The following C3 variants were observed in gnomAD, a reference collection of about 807,000 sequenced individuals.
The protein encoded by C3 is complement C3, also known as C3 and PZP-like alpha-2-macroglobulin domain-containing protein 1.
C3 carries 97 observed loss-of-function variants against 207.9 expected under a neutral mutation model. The observed-to-expected ratio is 0.47, with a 90% CI of 0.40 to 0.55. The LOEUF is 0.55. Among genes scored for constraint, C3 ranks in the 20% least tolerant of loss-of-function variants. The pLI is 0.00. For missense variants in C3, 1,684 were observed against 2,171.7 expected (o/e 0.78, Z 4.46); for synonymous variants, 848 against 857.6 (o/e 0.99, Z 0.20).
chr19:6,712,502 T>G lies in C3; in HGVS notation c.1119+6A>C. 1.2e-6 allele frequency: 2 copies of G among 1,613,902 alleles called. No homozygotes were observed. The highest frequency in any genetic ancestry group is 1.7e-6 in the Non-Finnish European group (2 of 1,179,858). ...GAGTGGGACCCCTTCCCGCCCCGGG[T>G]CTCACCATGAGGTCAAAGGGCATTC... On this transcript the variant is annotated splice_donor_region_variant and intron_variant, in intron 10 of 40. Transcript: ENST00000245907.
chr19:6,687,901 C>G (rs344539), intron 27 of C3, among the ~76,000 whole-genome samples: 67,360 of 148,958 alleles, frequency 0.45, 16,449 homozygotes, highest in East Asian at 0.91. Context: ...CTGTCGCCCA[C>G]GCTGGAGTGC....
chr19:6,707,727 A>C, intron 15 of C3, 73 bp downstream of exon 15: 1 of 1,603,330 alleles, frequency 6.2e-7, no homozygotes, highest in Non-Finnish European at 8.5e-7. Context: ...CCCGGTTTCC[A>C]GAGCTCTGCT....
chr19:6,695,605 G>A (rs1306987258), intron 23 of C3, among the ~76,000 whole-genome samples: 1 of 151,900 alleles, frequency 6.6e-6, no homozygotes, highest in African/African-American at 2.4e-5. Context: ...TCAGCCTCCC[G>A]AGTGGCTGGG....
At chr19:6,692,664 C>A (rs1918196332) in intron 26 of C3, among the ~76,000 whole-genome samples, 1 of 152,180 alleles carries the variant, frequency 6.6e-6, no homozygotes, top group Admixed American at 6.5e-5. Flanking sequence ...GACCCCTGCA[C>A]TTGGTTTAAT....
At position 6,678,558 on chromosome 19, in the gene C3, G is replaced by T. The variant is rs1917781216; in HGVS notation, c.4631-103C>A. ...GGCATGTGGCTCTCTCTCCCAAGCAGAAAGTTGCAGAATCACAGCCAGTCA... is the reference window on the plus strand; with the variant it reads ...GGCATGTGGCTCTCTCTCCCAAGCATAAAGTTGCAGAATCACAGCCAGTCA... On this transcript the variant is annotated intron_variant, in intron 38 of 40. Transcript: ENST00000245907. The T allele has an allele frequency of 6.9e-6, 6 of 872,520 alleles. No homozygotes were observed. The East Asian group carries it at 1.5e-4, about 22-fold the overall frequency. 54.0% of individuals were successfully genotyped at this position (872,520 alleles called of 1,614,324 possible).
intron 16 of C3, 37 bp downstream of exon 16, chr19:6,707,429 G>C: frequency 6.2e-7 from 1 of 1,611,398 alleles, no homozygotes; most frequent in Non-Finnish European, 8.5e-7. Flanking sequence ...TCCTGGGGTG[G>C]GGCTCGGGGG....
intron 28 of C3, 95 bp downstream of exon 28, chr19:6,686,651 C>T: frequency 7.4e-7 from 1 of 1,342,540 alleles, no homozygotes; most frequent in Admixed American, 1.7e-5. Flanking sequence ...GGTCATCTGT[C>T]CCAGCTCAGC....
intron 18 of C3, 107 bp downstream of exon 18, chr19:6,702,364 G>A (rs1041776446): frequency 2.0e-4 from 198 of 986,720 alleles, no homozygotes; most frequent in Non-Finnish European, 2.6e-4. Flanking sequence ...TCTAGGTTGG[G>A]CTGTGGGGTT....
At chr19:6,680,078 A>G (rs1599497002) in intron 36 of C3, 80 bp downstream of exon 36, 2 of 830,346 alleles carry the variant, frequency 2.4e-6, no homozygotes, top group East Asian at 2.4e-5. Flanking sequence ...CTTCATTCTC[A>G]GATCCCCACA....
At chr19:6,693,934 T>G (rs408114) in intron 24 of C3, among the ~76,000 whole-genome samples, 3,684 of 123,388 alleles carry the variant, frequency 0.03, 304 homozygotes, top group African/African-American at 0.12. Context: ...CTGGGAGGAG[T>G]CAGGGCCTCA....
At position 6,690,661 on chromosome 19, in the gene C3, C is replaced by T. The variant is rs1918142541; in HGVS notation, c.3457G>A (p.Glu1153Lys). The stretch of plus-strand genomic sequence containing the variant: ...TGCTCCTCGCAAATATCTTTAGCCT[C>T]CTGCAGCGAGATGAGAACAAAGGCC... ...LTAFVLISLQ[E>K]AKDICEEQVN... Residue 1153 changes from glutamate (E) to lysine (K), a missense_variant, in exon 27 of 41, where the codon GAG becomes AAG. This residue lies in a region of C3 where 1,280 missense variants were observed against 1,739.1 expected (regional missense o/e 0.74). Transcript: ENST00000245907. The T allele has an allele frequency of 1.9e-6, 3 of 1,614,138 alleles. No individual in the cohort carries two copies. The highest frequency in any genetic ancestry group is 8.5e-7 in the Non-Finnish European group (1 of 1,180,042).
At chr19:6,681,393 A>G (rs2145392631) in intron 35 of C3, among the ~76,000 whole-genome samples, 1 of 151,838 alleles carries the variant, frequency 6.6e-6, no homozygotes, top group Admixed American at 6.6e-5. Context: ...TTATGAAAAA[A>G]AAATTAGCTG....
At position 6,713,507 on chromosome 19, in the gene C3, A is replaced by AACCT; in HGVS notation, c.774-2_775dup (p.Phe259Ter). 1 of 1,607,852 alleles carries AACCT rather than the reference A, an allele frequency of 6.2e-7. No individual in the cohort carries two copies. The highest frequency in any genetic ancestry group is 8.5e-7 in the Non-Finnish European group (1 of 1,174,560). On this transcript the variant is annotated stop_gained and frameshift_variant and splice_region_variant, in exon 8 of 41. Transcript: ENST00000245907. LOFTEE classifies it high-confidence loss of function. ...TCCCTCCACTTTCTTCCCGTAGAGG[A>AACCT]ACCTACGGGACAGACAAGGAGGGCT...
At chr19:6,686,685 G>C (rs1162880305) in intron 28 of C3, 61 bp downstream of exon 28, 2 of 1,553,544 alleles carry the variant, frequency 1.3e-6, no homozygotes, top group East Asian at 4.5e-5. Context: ...TCCCAGCTCA[G>C]TATCTCCCGC....
At position 6,710,705 on chromosome 19, in the gene C3, G is replaced by A; in HGVS notation, c.1620C>T (p.Ala540=). ...CGGCCACCACCTCCCTCTGGCCGCT[G>A]GCACCGATCAGCGTGTAGTACGCCA... is the stretch of plus-strand genomic sequence containing the variant. The part of the protein sequence containing the change: ...RLVAYYTLIG[A]SGQREVVADS... Residue 540 remains alanine, a synonymous_variant, in exon 13 of 41, where the codon GCC becomes GCT. Transcript: ENST00000245907. The A allele has an allele frequency of 6.2e-7, 1 of 1,613,744 alleles. No individual in the cohort carries two copies. Among genetic ancestry groups the A allele is most frequent in the South Asian group, 1.1e-5 (1 of 91,080 alleles).
chr19:6,688,565 G>C (rs1458712961), intron 27 of C3, among the ~76,000 whole-genome samples: 1 of 151,116 alleles, frequency 6.6e-6, no homozygotes, highest in East Asian at 1.9e-4. Context: ...TGTTGCCCAG[G>C]CTGGAGTGCA....
intron 21 of C3, among the ~76,000 whole-genome samples, chr19:6,697,045 A>AATAAAT (rs1555684982): frequency 9.3e-6 from 1 of 107,382 alleles, no homozygotes. Flanking sequence ...CTGTCTCAAA[A>AATAAAT]AAATAAACAA....
At position 6,707,131 on chromosome 19, in the gene C3, G is replaced by A. The variant is rs142455019; in HGVS notation, c.2190C>T (p.Tyr730=). 2.6e-4 allele frequency: 422 copies of A among 1,613,650 alleles called. No homozygotes were observed. The highest frequency in any genetic ancestry group is 1.9e-3 in the Admixed American group (112 of 60,006). ...CGTGCTGCCGCCGCAGCTCTGTGAT[G>A]TAGTTGCAGCAGTCCAGGAAGACCT... is the stretch of plus-strand genomic sequence containing the variant. ...CKKVFLDCCN[Y]ITELRRQHAR... is the part of the protein sequence containing the mutation. Residue 730 remains tyrosine (Y), a synonymous_variant, in exon 17 of 41, where the codon TAC becomes TAT. Transcript: ENST00000245907.
intron 26 of C3, 142 bp downstream of exon 26, chr19:6,692,782 T>A (rs894176587): frequency 5.4e-5 from 55 of 1,023,204 alleles, no homozygotes; most frequent in Non-Finnish European, 7.7e-5. Flanking sequence ...GGCTCATATA[T>A]CTGCCTGCCC....
Sources: gnomAD v4.1 joint callset for allele counts (sites outside exome capture counted in the v4.1 genomes callset) on GRCh38, gnomAD v4.1.1 for gene constraint, gnomAD v4.1.1 regional missense constraint, MANE v1.5 for transcripts, NCBI Gene and HGNC (gene_info 2026-07-23, HGNC 2026-07-21) for gene names.